Variants in MCF2 observed in about 807,000 individuals in gnomAD.
MCF2 encodes the protein proto-oncogene DBL.
A neutral mutation model predicts 82.5 loss-of-function variants in MCF2; 44 were observed. That is an observed-to-expected ratio of 0.53 (90% CI 0.42 to 0.69). The LOEUF (loss-of-function observed/expected upper bound fraction) is 0.69, where lower values mean the gene tolerates loss of function less well. Ranked by LOEUF, MCF2 falls within the 30% of genes least tolerant of loss-of-function variation. MCF2 has a pLI of 0.00. For missense variants in MCF2, 623 were observed against 663.1 expected, an observed-to-expected ratio of 0.94 and a Z score of 0.66; for synonymous variants, 217 against 224.9, an observed-to-expected ratio of 0.96 and a Z score of 0.32.
At chrX:139,679,943 T>C (rs1426562792) in intron 1 of MCF2, among the ~76,000 whole-genome samples, 2 of 110,872 alleles carry the variant, frequency 1.8e-5, no homozygotes, top group Non-Finnish European at 3.8e-5. Context: ...TGCCTTTTCA[T>C]AGGCCAGACA....
At position 139,692,182 on chromosome X, in the gene MCF2, T is replaced by C. The variant is rs1010584549; in HGVS notation, c.-45+15924A>G. 9.6e-5 allele frequency: 93 copies of C among 973,162 alleles called. No individual in the cohort carries two copies. The African/African-American group carries it at 1.7e-3, about 18-fold the overall frequency. The allele number at this position is 973,162 out of a possible 1,213,427, so 80.2% of individuals were successfully genotyped here. A position where few individuals can be genotyped will look rare whatever the true frequency, so the allele number is the denominator to read the frequency against. On this transcript the variant is annotated intron_variant, in intron 1 of 27. Transcript: ENST00000414978. ...TAGGGCCGGGCCCCTGCCGCTGCCA[T>C]CCTCACGCTGGAGAGCCGGGCAGGG...
At chrX:139,609,482 G>C (rs1040365070) in intron 11 of MCF2, among the ~76,000 whole-genome samples, 1 of 111,229 alleles carries the variant, frequency 9.0e-6, no homozygotes, top group Admixed American at 9.6e-5. Context: ...CCAAGAGTTT[G>C]AGGCTGCAGT....
At chrX:139,640,880 C>G (rs1933521142) in intron 1 of MCF2, among the ~76,000 whole-genome samples, 1 of 110,510 alleles carries the variant, frequency 9.0e-6, no homozygotes, top group South Asian at 3.8e-4. Context: ...GGAAAGGTAA[C>G]AGCAACATAT....
intron 1 of MCF2, among the ~76,000 whole-genome samples, chrX:139,663,137 T>A (rs576800491): frequency 4.4e-5 from 5 of 112,442 alleles, no homozygotes; most frequent in African/African-American, 1.6e-4. Flanking sequence ...TATACTGATT[T>A]CTTTTCATTT....
At chrX:139,686,474 A>T (rs1935127085) in intron 1 of MCF2, among the ~76,000 whole-genome samples, 1 of 109,773 alleles carries the variant, frequency 9.1e-6, no homozygotes, top group Admixed American at 9.7e-5. Flanking sequence ...GTGAGCTGAG[A>T]TTGTGCCACT....
chrX:139,613,476 G>A (rs1485126497), intron 10 of MCF2, among the ~76,000 whole-genome samples: 2 of 111,638 alleles, frequency 1.8e-5, no homozygotes, highest in Non-Finnish European at 3.8e-5. Context: ...TTTAACCAGA[G>A]GAAAGGACTA....
intron 1 of MCF2, among the ~76,000 whole-genome samples, chrX:139,670,413 T>C (rs983163231): frequency 1.8e-5 from 2 of 111,200 alleles, no homozygotes; most frequent in Admixed American, 9.6e-5. Flanking sequence ...GCTGCACCCA[T>C]TAACTCGTCA....
intron 2 of MCF2, 92 bp from the exon 6 acceptor site, chrX:139,631,603 A>G (rs1472571724): frequency 1.9e-6 from 1 of 533,709 alleles, no homozygotes; most frequent in African/African-American, 2.3e-5. Context: ...CATTTAGCAG[A>G]AAGTTACCTC....
chrX:139,604,577 A>T (rs1930830712), intron 15 of MCF2, 104 bp downstream of exon 19: 3 of 494,575 alleles, frequency 6.1e-6, no homozygotes, highest in Non-Finnish European at 6.4e-6. Flanking sequence ...CTCCAAAAAC[A>T]TAAAGACATA....
intron 22 of MCF2, 43 bp downstream of exon 26, chrX:139,587,673 A>G (rs766248415): frequency 2.3e-6 from 2 of 886,599 alleles, no homozygotes; most frequent in Non-Finnish European, 3.3e-6. Flanking sequence ...TACAGAAAAC[A>G]AAAGATTGCA....
At chrX:139,632,080 C>T (rs773080413) in intron 2 of MCF2, among the ~76,000 whole-genome samples, 1 of 110,873 alleles carries the variant, frequency 9.0e-6, no homozygotes, top group East Asian at 2.8e-4. Context: ...TGCACACATA[C>T]ATATATACAC....
intron 1 of MCF2, among the ~76,000 whole-genome samples, chrX:139,676,282 G>A (rs1204286587): frequency 1.8e-5 from 2 of 111,860 alleles, no homozygotes; most frequent in Non-Finnish European, 3.8e-5. Context: ...TGCTTCCCGG[G>A]TGAGGTGATG....
At chrX:139,629,958 A>G in intron 3 of MCF2, 114 bp from the exon 7 acceptor site, 1 of 499,183 alleles carries the variant, frequency 2.0e-6, no homozygotes, top group South Asian at 4.8e-5. Context: ...CACATATACT[A>G]TGAACTCTCC....
chrX:139,591,201 T>A (rs1285241335), intron 19 of MCF2, among the ~76,000 whole-genome samples: 1 of 111,386 alleles, frequency 9.0e-6, no homozygotes. Context: ...TTAACTTTTC[T>A]AAACTTCAGT....
At chrX:139,673,496 A>T (rs1934769043) in intron 1 of MCF2, among the ~76,000 whole-genome samples, 1 of 112,068 alleles carries the variant, frequency 8.9e-6, no homozygotes, top group East Asian at 2.8e-4. Flanking sequence ...AATGTGTCCC[A>T]GAGATTCTGG....
chrX:139,706,810 A>T (rs1935597926), intron 1 of MCF2, among the ~76,000 whole-genome samples: 2 of 110,547 alleles, frequency 1.8e-5, no homozygotes, highest in Non-Finnish European at 3.8e-5. Context: ...AGGGGGGAAA[A>T]GGTTTTTCAG....
chrX:139,618,651 C>T (rs1426475598), intron 7 of MCF2, among the ~76,000 whole-genome samples: 9 of 111,484 alleles, frequency 8.1e-5, no homozygotes, highest in African/African-American at 2.9e-4. Context: ...GTTATCATAA[C>T]TGTTGCTTCT....
At chrX:139,692,813 G>A (rs926957965) in intron 1 of MCF2, among the ~76,000 whole-genome samples, 1 of 112,352 alleles carries the variant, frequency 8.9e-6, no homozygotes. Context: ...GAGAGGTCCT[G>A]TGCTGAAGCC....
intron 1 of MCF2, 106 bp from the exon 2 acceptor site, chrX:139,651,894 C>G (rs952643399): frequency 4.2e-6 from 2 of 479,938 alleles, no homozygotes; most frequent in Non-Finnish European, 7.1e-6. Context: ...CTGGGAGCCC[C>G]ACAGGTCTGT....
Sources: gnomAD v4.1 joint callset for allele counts (sites outside exome capture counted in the v4.1 genomes callset) on GRCh38, gnomAD v4.1.1 for gene constraint, MANE v1.5 for transcripts, NCBI Gene and HGNC (gene_info 2026-07-23, HGNC 2026-07-21) for gene names.